Variants in DPYSL5 observed in about 807,000 individuals in gnomAD.
The protein encoded by DPYSL5 is dihydropyrimidinase-related protein 5.
In DPYSL5, 9 loss-of-function variants were observed where a neutral mutation model predicts 58.4. The ratio of observed to expected loss-of-function variants is 0.15; its 90% CI spans 0.09 to 0.27. The LOEUF is 0.27. Ranked by LOEUF, DPYSL5 falls within the 10% of genes least tolerant of loss-of-function variation. The pLI is 1.00. For missense variants in DPYSL5, 499 were observed against 770.6 expected, an observed-to-expected ratio of 0.65 and a Z score of 4.17; for synonymous variants, 293 against 301.9, an observed-to-expected ratio of 0.97 and a Z score of 0.31.
intron 1 of DPYSL5, among the ~76,000 whole-genome samples, chr2:26,863,050 G>A (rs1048724065): frequency 3.3e-5 from 5 of 152,138 alleles, no homozygotes; most frequent in Non-Finnish European, 7.4e-5. Flanking sequence ...CTCCAACACA[G>A]CGGGAGGAGA....
In DPYSL5 at chr2:26,924,833, T is replaced by C; in HGVS notation, c.262-54T>C. The C allele has an allele frequency of 5.1e-6, 8 of 1,581,304 alleles. No homozygotes were observed. Among genetic ancestry groups the C allele is most frequent in the Non-Finnish European group, 6.9e-6 (8 of 1,162,920 alleles). ...ATGAGGACCATGTCTCACCACATCA[T>C]TGACTCGGGGGCAGGCAGGGCTGTG... On this transcript the variant is annotated intron_variant, in intron 2 of 12. Transcript: ENST00000288699. This position sits in a 1 kb window ranked among gnomAD's most constrained non-coding sequence, Gnocchi z 4.7.
At chr2:26,876,659 G>A (rs909528094) in intron 1 of DPYSL5, among the ~76,000 whole-genome samples, 1 of 151,978 alleles carries the variant, frequency 6.6e-6, no homozygotes, top group African/African-American at 2.4e-5. Flanking sequence ...GGGAGTACAG[G>A]TGCCTGCCAC....
intron 2 of DPYSL5, among the ~76,000 whole-genome samples, chr2:26,915,029 C>T (rs1006574341): frequency 2.0e-5 from 3 of 152,104 alleles, no homozygotes; most frequent in Non-Finnish European, 4.4e-5. Context: ...TATGCTGTGG[C>T]CTCTCAGGGT....
intron 1 of DPYSL5, among the ~76,000 whole-genome samples, chr2:26,861,991 C>A (rs1343265517): frequency 1.3e-5 from 2 of 152,196 alleles, no homozygotes; most frequent in African/African-American, 4.8e-5. Context: ...CTTCTAGGAG[C>A]TGAGGGTGTC....
intron 1 of DPYSL5, among the ~76,000 whole-genome samples, chr2:26,857,297 G>A (rs763363109): frequency 5.3e-4 from 80 of 152,040 alleles, no homozygotes; most frequent in Non-Finnish European, 5.9e-4. Flanking sequence ...AGCACTTTTC[G>A]GGCACAAGGT....
At chr2:26,852,475 G>T (rs774734712) in intron 1 of DPYSL5, among the ~76,000 whole-genome samples, 16 of 152,276 alleles carry the variant, frequency 1.1e-4, no homozygotes, top group Non-Finnish European at 2.2e-4. Context: ...TGTATGATTT[G>T]TTCTACTTCA....
chr2:26,896,262 T>C (rs1664018599), intron 1 of DPYSL5, among the ~76,000 whole-genome samples: 1 of 152,224 alleles, frequency 6.6e-6, no homozygotes, highest in Admixed American at 6.5e-5. Context: ...TGTGTGTATA[T>C]ACATCTTTTT....
intron 1 of DPYSL5, among the ~76,000 whole-genome samples, chr2:26,861,097 G>A (rs939662735): frequency 5.3e-5 from 8 of 152,118 alleles, no homozygotes; most frequent in East Asian, 1.9e-4. Flanking sequence ...GTTCCCAAAC[G>A]GACCCCCAGA....
In DPYSL5 at chr2:26,942,245, C is replaced by T. The variant is rs1665342010; in HGVS notation, c.1232+153C>T. ...TGGCCATCTTCTCCCTCCATCTTCA[C>T]ACAGTCTTTCTTCCGTGTCACACAT... On this transcript the variant is annotated intron_variant, in intron 10 of 12. Transcript: ENST00000288699. This position sits in a 1 kb window ranked among gnomAD's most constrained non-coding sequence, Gnocchi z 5.9. 6.6e-6 allele frequency among the ~76,000 whole-genome samples: 1 copy of T among 152,056 alleles called. No homozygotes were observed. Among genetic ancestry groups the T allele is most frequent in the South Asian group, 2.1e-4 (1 of 4,836 alleles).
Position 26,924,876 on chromosome 2 carries a change from C to T in DPYSL5, c.262-11C>T, listed in dbSNP as rs370792148. Reference sequence around the variant, plus strand: ...GGGCTGTGACGAGACTGCCTTTTCCCGTCTTCCCAGGCAGCACTCGTCGGA... The same window carrying T: ...GGGCTGTGACGAGACTGCCTTTTCCTGTCTTCCCAGGCAGCACTCGTCGGA... On this transcript the variant is annotated splice_polypyrimidine_tract_variant and intron_variant, in intron 2 of 12. Transcript: ENST00000288699. The surrounding 1 kb of genome is among the most constrained non-coding windows in gnomAD (Gnocchi z 4.7). 1.7e-5 allele frequency: 27 copies of T among 1,611,996 alleles called. 1 individual carries two copies. In the South Asian group the frequency reaches 2.0e-4, roughly 12 times the overall value.
Position 26,927,380 on chromosome 2 carries a change from A to T in DPYSL5, c.548A>T (p.Asp183Val). The change falls in exon 4 of 13, where the codon GAC becomes GTC. Residue 183 changes from aspartate (D) to valine (V), a missense_variant. Physicochemically the swap from Asp to Val is radical, Grantham distance 152. Transcript: ENST00000288699. This position sits in a 1 kb window ranked among gnomAD's most constrained non-coding sequence, Gnocchi z 4.3. ...ELYQVLHACK[D>V]IGAIARVHAE... Reference sequence around the variant, plus strand: ...TACCAAGTGTTGCACGCTTGCAAGGACATTGGGGCAATCGCCCGCGTCCAT... The same window carrying T: ...TACCAAGTGTTGCACGCTTGCAAGGTCATTGGGGCAATCGCCCGCGTCCAT... 6.2e-7 allele frequency: 1 copy of T among 1,614,248 alleles called. No homozygotes were observed. The highest frequency in any genetic ancestry group is 8.5e-7 in the Non-Finnish European group (1 of 1,180,038).
At position 26,925,257 on chromosome 2, in the gene DPYSL5, C is replaced by CAGAG. The variant is rs1664801306; in HGVS notation, c.420+215_420+218dup. ...TTAATGAGCCATTTTCCGGCAGGCA[C>CAGAG]AGAGAGGCCAAGGCCAGAGCCCAGG... On this transcript the variant is annotated intron_variant, in intron 3 of 12. Coordinates refer to ENST00000288699, the MANE Select transcript of DPYSL5 (RefSeq NM_020134.4). This position sits in a 1 kb window ranked among gnomAD's most constrained non-coding sequence, Gnocchi z 4.5. 6.6e-6 allele frequency among the ~76,000 whole-genome samples: 1 copy of CAGAG among 152,172 alleles called. No homozygotes were observed. Among genetic ancestry groups the CAGAG allele is most frequent in the African/African-American group, 2.4e-5 (1 of 41,438 alleles).
chr2:26,923,921 A>G (rs1426813594), intron 2 of DPYSL5, among the ~76,000 whole-genome samples: 1 of 152,150 alleles, frequency 6.6e-6, no homozygotes. Flanking sequence ...CAGCCTCCCA[A>G]AGTACTAGGA....
chr2:26,884,441 C>T (rs1291918997), intron 1 of DPYSL5, among the ~76,000 whole-genome samples: 1 of 151,990 alleles, frequency 6.6e-6, no homozygotes, highest in Admixed American at 6.6e-5. Context: ...AGCTTGAACG[C>T]CCAAGACTGG....
At chr2:26,868,346 C>T (rs1442293871) in intron 1 of DPYSL5, among the ~76,000 whole-genome samples, 3 of 152,022 alleles carry the variant, frequency 2.0e-5, no homozygotes, top group Admixed American at 6.6e-5. Flanking sequence ...TTTATCAAGT[C>T]GGAATTGTGT....
chr2:26,911,956 A>G lies in DPYSL5; in HGVS notation c.262-12931A>G, dbSNP rs1011156226. ...CACCAGGTGGAAAATACAGTGCTCA[A>G]AATGGGGTGTGTTCAGCCCCTGAGG... is the stretch of plus-strand genomic sequence containing the variant. On this transcript the variant is annotated intron_variant, in intron 2 of 12. Coordinates refer to ENST00000288699, the MANE Select transcript of DPYSL5 (RefSeq NM_020134.4). Among the ~76,000 whole-genome samples, 3 of 152,238 alleles carry G rather than the reference A, an allele frequency of 2.0e-5. No individual in the cohort carries two copies. In the East Asian group the frequency reaches 5.8e-4, roughly 29 times the overall value.
chr2:26,928,775 G>A (rs77562583), intron 5 of DPYSL5, among the ~76,000 whole-genome samples: 30,216 of 71,766 alleles, frequency 0.42, 10,039 homozygotes, highest in East Asian at 0.57. Flanking sequence ...GTGTGTGTGT[G>A]TATAGCATCA....
In DPYSL5 at chr2:26,849,746, G is replaced by A. The variant is rs182004605; in HGVS notation, c.-5+1492G>A. Among the ~76,000 whole-genome samples, 2 of 152,328 alleles carry A rather than the reference G, an allele frequency of 1.3e-5. No individual in the cohort carries two copies. The highest frequency in any genetic ancestry group is 3.9e-4 in the East Asian group (2 of 5,166). On this transcript the variant is annotated intron_variant, in intron 1 of 12. Transcript: ENST00000288699. This position sits in a 1 kb window ranked among gnomAD's most constrained non-coding sequence, Gnocchi z 6.2. ...CGAGGGTGCAGTTTTCTGGTGCTGG[G>A]AATACTCCCTGCGGAACCTCCGGGC...
chr2:26,929,023 C>CCGGT (rs1664903627), intron 5 of DPYSL5, among the ~76,000 whole-genome samples: 1 of 151,962 alleles, frequency 6.6e-6, no homozygotes, highest in Non-Finnish European at 1.5e-5. Context: ...AGGTCATGAA[C>CCGGT]CGGTACAGGA....
Sources: gnomAD v4.1 joint callset for allele counts (sites outside exome capture counted in the v4.1 genomes callset) on GRCh38, gnomAD v4.1.1 for gene constraint, Gnocchi (gnomAD v3.1) non-coding constraint, MANE v1.5 for transcripts, NCBI Gene and HGNC (gene_info 2026-07-23, HGNC 2026-07-21) for gene names.